Variants in CISD2 observed in about 807,000 individuals in gnomAD.
The protein encoded by CISD2 is CDGSH iron-sulfur domain-containing protein 2.
CISD2 carries 1 observed loss-of-function variant against 12.9 expected under a neutral mutation model. The ratio of observed to expected loss-of-function variants is 0.08; its 90% CI spans 0.03 to 0.37. The LOEUF is 0.37. CISD2 is among the 10% of genes least tolerant of loss of function. The probability of loss-of-function intolerance (pLI) is 0.99; values close to 1 mark genes in which losing one functional copy is unlikely to be tolerated. For synonymous variants in CISD2, 50 were observed against 60.6 expected (o/e 0.83, Z 0.81); for missense variants, 97 against 163.1 (o/e 0.59, Z 2.21).
intron 1 of CISD2, among the ~76,000 whole-genome samples, chr4:102,870,295 C>T (rs1396860875): frequency 6.6e-6 from 1 of 152,074 alleles, no homozygotes; most frequent in Non-Finnish European, 1.5e-5. Context: ...AGGTGAATTT[C>T]AGTCTAAGGA....
At chr4:102,881,192 G>C (rs1490379889) in intron 1 of CISD2, among the ~76,000 whole-genome samples, 1 of 151,942 alleles carries the variant, frequency 6.6e-6, no homozygotes, top group African/African-American at 2.4e-5. Flanking sequence ...TTAATTGACA[G>C]AGAAATATTC....
chr4:102,883,442 C>G (rs181948505), intron 1 of CISD2, among the ~76,000 whole-genome samples: 12 of 152,296 alleles, frequency 7.9e-5, no homozygotes, highest in African/African-American at 2.6e-4. Flanking sequence ...CTCTTTCTTC[C>G]TCCTGATCAA....
intron 1 of CISD2, chr4:102,869,448 C>A: frequency 1.4e-6 from 1 of 703,852 alleles, no homozygotes; most frequent in South Asian, 1.5e-5. Context: ...CAGGTTTTTG[C>A]AGAGAAGGTG....
At chr4:102,885,495 C>A (rs541439991) in intron 2 of CISD2, 65 bp downstream of exon 2, 76 of 1,250,560 alleles carry the variant, frequency 6.1e-5, no homozygotes, top group Non-Finnish European at 8.5e-5. Context: ...CCTCTTAAAT[C>A]CCCAGTTTTG....
At chr4:102,883,820 G>A (rs548050155) in intron 1 of CISD2, among the ~76,000 whole-genome samples, 2 of 152,162 alleles carry the variant, frequency 1.3e-5, no homozygotes, top group Non-Finnish European at 2.9e-5. Flanking sequence ...GCATTGTCAA[G>A]TTATTTGGCA....
intron 2 of CISD2, among the ~76,000 whole-genome samples, chr4:102,886,169 G>T (rs1578316246): frequency 6.6e-6 from 1 of 152,094 alleles, no homozygotes; most frequent in East Asian, 1.9e-4. Flanking sequence ...GCATATTACA[G>T]TGTGATCCCA....
In CISD2 at chr4:102,891,197, A is replaced by T. The variant is rs1259665639; in HGVS notation, c.*3767A>T. On this transcript the variant is annotated 3_prime_UTR_variant, in exon 3 of 3. Coordinates refer to ENST00000273986, the MANE Select transcript of CISD2 (RefSeq NM_001008388.5). ...GGTAATTGAAAAAGTCTTCTTTTTA[A>T]AAAATTTTTAATGGTAGAGGCAGCA... 1 of 147,148 alleles carries T rather than the reference A, an allele frequency of 6.8e-6. No homozygotes were observed. Among genetic ancestry groups the T allele is most frequent in the African/African-American group, 2.7e-5 (1 of 36,896 alleles). The allele number at this position is 147,148 out of a possible 1,614,324, so 9.1% of individuals were successfully genotyped here.
At chr4:102,869,248 C>T (rs1328656999) in intron 1 of CISD2, 61 bp downstream of exon 1, 3 of 1,548,038 alleles carry the variant, frequency 1.9e-6, no homozygotes, top group Non-Finnish European at 8.7e-7. Context: ...GGGAAGGAGG[C>T]GTAAAAATCC....
At chr4:102,872,732 G>A (rs1447310004) in intron 1 of CISD2, among the ~76,000 whole-genome samples, 1 of 152,150 alleles carries the variant, frequency 6.6e-6, no homozygotes, top group Non-Finnish European at 1.5e-5. Flanking sequence ...AGGAATAGGT[G>A]TCATAGCTAG....
chr4:102,873,748 A>G (rs1733522669), intron 1 of CISD2, among the ~76,000 whole-genome samples: 1 of 150,528 alleles, frequency 6.6e-6, no homozygotes, highest in South Asian at 2.1e-4. Context: ...AAAAAAAAAA[A>G]AGGGATGTAA....
chr4:102,875,627 ATT>A (rs1473500946), intron 1 of CISD2, among the ~76,000 whole-genome samples: 1 of 152,236 alleles, frequency 6.6e-6, no homozygotes, highest in Non-Finnish European at 1.5e-5. Flanking sequence ...ATGCCAGTTT[ATT>A]GGAGTACAAA....
At chr4:102,885,924 AT>A (rs1186780672) in intron 2 of CISD2, among the ~76,000 whole-genome samples, 2 of 152,212 alleles carry the variant, frequency 1.3e-5, no homozygotes, top group Non-Finnish European at 2.9e-5. Context: ...GATAGCCTCA[AT>A]TATAGATGAT....
At chr4:102,877,041 G>C (rs1293451323) in intron 1 of CISD2, among the ~76,000 whole-genome samples, 1 of 152,120 alleles carries the variant, frequency 6.6e-6, no homozygotes, top group African/African-American at 2.4e-5. Context: ...GGGATTATAA[G>C]AGGTGAGATT....
In CISD2 at chr4:102,869,057, G is replaced by C. The variant is rs769308187; in HGVS notation, c.-28G>C. 1 of 1,593,208 alleles carries C rather than the reference G, an allele frequency of 6.3e-7. No homozygotes were observed. The highest frequency in any genetic ancestry group is 1.7e-5 in the Admixed American group (1 of 57,820). Reference sequence around the variant, plus strand: ...AGCTTGGCCAGAGCGGAGGGGGCTCGGGAGAGGAGTGGACGCCGCTGGCCA... The same window carrying C: ...AGCTTGGCCAGAGCGGAGGGGGCTCCGGAGAGGAGTGGACGCCGCTGGCCA... On this transcript the variant is annotated 5_prime_UTR_variant, in exon 1 of 3. Transcript: ENST00000273986.
chr4:102,878,835 C>T (rs1733649752), intron 1 of CISD2, among the ~76,000 whole-genome samples: 1 of 152,136 alleles, frequency 6.6e-6, no homozygotes, highest in Non-Finnish European at 1.5e-5. Flanking sequence ...ATAGCAGTAC[C>T]CAACTCTCTG....
At chr4:102,870,379 G>GA (rs112525907) in intron 1 of CISD2, among the ~76,000 whole-genome samples, 12 of 151,934 alleles carry the variant, frequency 7.9e-5, no homozygotes, top group Non-Finnish European at 1.2e-4. Context: ...TCTCAAAGAT[G>GA]AAAAAAACAA....
intron 1 of CISD2, 32 bp downstream of exon 1, chr4:102,869,219 T>A (rs1201495187): frequency 8.9e-6 from 14 of 1,581,726 alleles, no homozygotes; most frequent in African/African-American, 2.7e-5. Flanking sequence ...GTCCCCATCC[T>A]TGCACGTTCG....
intron 1 of CISD2, among the ~76,000 whole-genome samples, chr4:102,876,532 G>T (rs1476659026): frequency 2.0e-5 from 3 of 152,196 alleles, no homozygotes; most frequent in Non-Finnish European, 2.9e-5. Flanking sequence ...GGCAGATCAT[G>T]AGGTCAGGAG....
At chr4:102,869,588 C>T (rs1054027708) in intron 1 of CISD2, 3 of 695,842 alleles carry the variant, frequency 4.3e-6, no homozygotes, top group Admixed American at 2.0e-5. Context: ...GCCCCAGCTA[C>T]CGGCTGGGTT....
Sources: allele counts gnomAD v4.1 joint callset (sites outside exome capture counted in the v4.1 genomes callset), GRCh38; gene constraint gnomAD v4.1.1; transcripts MANE v1.5; gene names NCBI Gene and HGNC (gene_info 2026-07-23, HGNC 2026-07-21).